The following TXNDC11 variants were observed in gnomAD, a reference collection of about 807,000 sequenced individuals.
TXNDC11 encodes thioredoxin domain-containing protein 11.
A neutral mutation model predicts 78.0 loss-of-function variants in TXNDC11; 68 were observed. That is an observed-to-expected ratio of 0.87 (90% CI 0.72 to 1.07). TXNDC11 has a LOEUF of 1.07. TXNDC11 is among the 50% of genes least tolerant of loss of function. The probability of loss-of-function intolerance (pLI) is 0.00; values close to 1 mark genes in which losing one functional copy is unlikely to be tolerated. For synonymous variants in TXNDC11, 571 were observed against 495.2 expected (o/e 1.15, Z -2.03); for missense variants, 1,389 against 1,221.8 (o/e 1.14, Z -2.04).
At position 11,684,253 on chromosome 16, in the gene TXNDC11, A is replaced by C. The variant is rs372330083; in HGVS notation, c.2154-8T>G. 4 of 1,608,504 alleles carry C rather than the reference A, an allele frequency of 2.5e-6. No individual in the cohort carries two copies. In the African/African-American group the frequency reaches 5.3e-5, roughly 22 times the overall value. The stretch of plus-strand genomic sequence containing the variant: ...TTCTGAGACACGTCAATCCTGGTAA[A>C]GGGAAAGAACAGAAATGGCAGATGA... On this transcript the variant is annotated splice_polypyrimidine_tract_variant and splice_region_variant and intron_variant, in intron 10 of 11. Coordinates refer to ENST00000283033, the MANE Select transcript of TXNDC11 (RefSeq NM_015914.7).
chr16:11,698,450 G>A, intron 6 of TXNDC11, 125 bp from the exon 7 acceptor site: 1 of 760,020 alleles, frequency 1.3e-6, no homozygotes, highest in Admixed American at 2.6e-5. Context: ...GCGGGGCCTG[G>A]CCCCACTGTG....
At chr16:11,680,136 T>C (rs1451268610) in intron 11 of TXNDC11, among the ~76,000 whole-genome samples, 1 of 152,194 alleles carries the variant, frequency 6.6e-6, no homozygotes, top group African/African-American at 2.4e-5. Context: ...AAGCCAGTGA[T>C]GCAGGGCCCC....
intron 8 of TXNDC11, 129 bp from the exon 9 acceptor site, chr16:11,688,574 C>A (rs1597409366): frequency 1.3e-6 from 1 of 787,564 alleles, no homozygotes; most frequent in East Asian, 2.7e-5. Flanking sequence ...TTTCACCTAT[C>A]AGCAAAACCC....
chr16:11,740,065 C>T (rs2052346951), intron 1 of TXNDC11, among the ~76,000 whole-genome samples: 1 of 150,992 alleles, frequency 6.6e-6, no homozygotes, highest in South Asian at 2.1e-4. Context: ...TGGTGGCACG[C>T]ACCTGTAATC....
Position 11,742,809 on chromosome 16 carries a change from A to T in TXNDC11, c.-79T>A. 7.3e-7 allele frequency: 1 copy of T among 1,371,782 alleles called. No homozygotes were observed. The highest frequency in any genetic ancestry group is 9.4e-7 in the Non-Finnish European group (1 of 1,067,436). 85.0% of individuals were successfully genotyped at this position (1,371,782 alleles called of 1,614,324 possible). A position where few individuals can be genotyped will look rare whatever the true frequency, so the allele number is the denominator to read the frequency against. ...GCCCGGCCCGGCCCGTTGCTCCCCA[A>T]TCCCGCAGCTCGCCGCACCCGCTAA... On this transcript the variant is annotated 5_prime_UTR_variant, in exon 1 of 12. The change creates a new upstream start codon in the 5' untranslated region. Coordinates refer to ENST00000283033, the MANE Select transcript of TXNDC11 (RefSeq NM_015914.7).
chr16:11,723,511 G>A (rs749716281), intron 4 of TXNDC11, among the ~76,000 whole-genome samples: 1 of 152,086 alleles, frequency 6.6e-6, no homozygotes, highest in African/African-American at 2.4e-5. Flanking sequence ...CTTGAACCAG[G>A]GAGGTGGAGG....
At chr16:11,715,184 G>A (rs11639719) in intron 5 of TXNDC11, among the ~76,000 whole-genome samples, 5,813 of 152,198 alleles carry the variant, frequency 0.038, 166 homozygotes, top group Middle Eastern at 0.085. Context: ...CCCGGGAGGC[G>A]GAGGTTGCAG....
intron 4 of TXNDC11, 111 bp downstream of exon 4, chr16:11,730,534 T>G (rs2052014668): frequency 8.7e-7 from 1 of 1,150,056 alleles, no homozygotes; most frequent in Non-Finnish European, 1.2e-6. Flanking sequence ...ACATGACCTT[T>G]TACTTGCTGC....
Position 11,687,865 on chromosome 16 carries a change from A to G in TXNDC11, c.2145T>C (p.Thr715=), listed in dbSNP as rs375501890. The change falls in exon 10 of 12, where the codon ACT becomes ACC. Residue 715 remains threonine (T), a synonymous_variant. Coordinates refer to ENST00000283033, the MANE Select transcript of TXNDC11 (RefSeq NM_015914.7). ...LARNLPMDTF[T]VARIDVSQND... is the part of the protein sequence containing the mutation. Reference sequence around the variant, plus strand: ...AGAAGAGGCCTGCTTACCTTGCCACAGTGAATGTGTCCATGGGCAGGTTCC... The same window carrying G: ...AGAAGAGGCCTGCTTACCTTGCCACGGTGAATGTGTCCATGGGCAGGTTCC... 2.5e-5 allele frequency: 41 copies of G among 1,611,768 alleles called. No individual in the cohort carries two copies. The African/African-American group carries it at 4.1e-4, about 16-fold the overall frequency.
At chr16:11,695,680 G>C (rs994703802) in intron 7 of TXNDC11, among the ~76,000 whole-genome samples, 1 of 152,072 alleles carries the variant, frequency 6.6e-6, no homozygotes, top group Admixed American at 6.6e-5. Flanking sequence ...GAACCCTCCT[G>C]CCAGAAAAAC....
chr16:11,710,742 G>A (rs2051326150), intron 5 of TXNDC11, among the ~76,000 whole-genome samples: 3 of 152,190 alleles, frequency 2.0e-5, no homozygotes, highest in African/African-American at 7.2e-5. Context: ...TGAGCCTCGG[G>A]AGTTTGAAGC....
chr16:11,701,525 T>C (rs865798222), intron 5 of TXNDC11, among the ~76,000 whole-genome samples: 1 of 152,118 alleles, frequency 6.6e-6, no homozygotes, highest in South Asian at 2.1e-4. Flanking sequence ...CCGGGGTGTA[T>C]AGTTAAGAGG....
chr16:11,734,120 A>T (rs1197740476), intron 2 of TXNDC11, 41 bp from the exon 3 acceptor site: 1 of 1,261,492 alleles, frequency 7.9e-7, no homozygotes, highest in Non-Finnish European at 1.1e-6. Flanking sequence ...TATGAATAAC[A>T]ACTGAAAAGT....
chr16:11,729,800 A>C (rs1446550891), intron 4 of TXNDC11, among the ~76,000 whole-genome samples: 1 of 152,234 alleles, frequency 6.6e-6, no homozygotes, highest in East Asian at 1.9e-4. Context: ...CATGCATTAA[A>C]GATCCTACAG....
chr16:11,732,562 C>T (rs1039243717), intron 3 of TXNDC11, among the ~76,000 whole-genome samples: 2 of 152,110 alleles, frequency 1.3e-5, no homozygotes, highest in Non-Finnish European at 2.9e-5. Flanking sequence ...AAGTTACTGG[C>T]CAAAAAGTGG....
chr16:11,707,292 G>A (rs1267428689), intron 5 of TXNDC11, among the ~76,000 whole-genome samples: 2 of 151,222 alleles, frequency 1.3e-5, no homozygotes, highest in African/African-American at 2.4e-5. Flanking sequence ...AGTGGCAGGC[G>A]CCTGTAGTCC....
chr16:11,733,522 G>A (rs574955677), intron 3 of TXNDC11, among the ~76,000 whole-genome samples: 3 of 150,684 alleles, frequency 2.0e-5, no homozygotes, highest in Non-Finnish European at 4.4e-5. Context: ...GTGAGACTCC[G>A]TCTCAAAAAA....
At chr16:11,741,534 C>G (rs2052393048) in intron 1 of TXNDC11, among the ~76,000 whole-genome samples, 1 of 152,216 alleles carries the variant, frequency 6.6e-6, no homozygotes. Context: ...CCCCCGGGAT[C>G]TTCCCAGCGC....
intron 5 of TXNDC11, among the ~76,000 whole-genome samples, chr16:11,712,378 C>T (rs1050844355): frequency 1.3e-5 from 2 of 152,148 alleles, no homozygotes; most frequent in South Asian, 2.1e-4. Context: ...CTCCCACCCC[C>T]CAGCACCCAT....
Sources: allele counts gnomAD v4.1 joint callset (sites outside exome capture counted in the v4.1 genomes callset), GRCh38; gene constraint gnomAD v4.1.1; transcripts MANE v1.5; gene names NCBI Gene and HGNC (gene_info 2026-07-23, HGNC 2026-07-21).